The following CCDC7 variants were observed in gnomAD, a reference collection of about 807,000 sequenced individuals.
CCDC7 encodes the protein coiled-coil domain-containing protein 7.
In CCDC7, 183 loss-of-function variants were observed where a neutral mutation model predicts 196.9. That is an observed-to-expected ratio of 0.93 (90% CI 0.82 to 1.05). CCDC7 has a LOEUF of 1.05. CCDC7 is among the 50% of genes least tolerant of loss of function. The pLI, the probability that CCDC7 is intolerant of heterozygous loss-of-function variation, is 0.00. For synonymous variants in CCDC7, 525 were observed against 484.6 expected (o/e 1.08, Z -1.10); for missense variants, 1,540 against 1,482.2 (o/e 1.04, Z -0.64).
exon 25 of CCDC7, chr10:32,711,726 T>C: frequency 6.5e-7 from 1 of 1,531,956 alleles, no homozygotes; most frequent in South Asian, 1.2e-5. Flanking sequence ...GAGAAGGACG[T>C]AGCAGTAAGT....
chr10:32,528,403 C>T (rs188011837), intron 11 of CCDC7, among the ~76,000 whole-genome samples: 2 of 145,778 alleles, frequency 1.4e-5, no homozygotes, highest in East Asian at 2.1e-4. Context: ...CCCTCACCCC[C>T]CTCTTATCCT....
intron 33 of CCDC7, among the ~76,000 whole-genome samples, chr10:32,839,195 CAGAATAGATA>C (rs1397115103): frequency 1.3e-5 from 2 of 151,746 alleles, no homozygotes; most frequent in African/African-American, 4.8e-5. Flanking sequence ...TACAGAATGG[CAGAATAGATA>C]AGAATAGATA....
chr10:32,587,281 T>A (rs977905118), intron 18 of CCDC7, among the ~76,000 whole-genome samples: 5 of 152,110 alleles, frequency 3.3e-5, no homozygotes, highest in Non-Finnish European at 7.4e-5. Flanking sequence ...TAAAGAAAAA[T>A]TTATTTTTTA....
chr10:32,665,024 T>C (rs560310412), intron 21 of CCDC7, among the ~76,000 whole-genome samples: 93 of 152,200 alleles, frequency 6.1e-4, no homozygotes, highest in Middle Eastern at 6.8e-3. Flanking sequence ...GGAAGTGATA[T>C]TTCATTGTGG....
intron 19 of CCDC7, among the ~76,000 whole-genome samples, 181 bp from the exon 21 acceptor site, chr10:32,634,876 T>C (rs1405814917): frequency 6.6e-6 from 1 of 152,198 alleles, no homozygotes; most frequent in African/African-American, 2.4e-5. Context: ...GTGACTACCA[T>C]GTAACAAGAT....
chr10:32,841,419 AC>A (rs1219608777), intron 33 of CCDC7, among the ~76,000 whole-genome samples: 1 of 151,978 alleles, frequency 6.6e-6, no homozygotes, highest in African/African-American at 2.4e-5. Context: ...AAACAAACAA[AC>A]AAAAAACAAA....
chr10:32,661,508 TCA>T (rs1211348394), intron 20 of CCDC7, among the ~76,000 whole-genome samples: 2 of 152,182 alleles, frequency 1.3e-5, no homozygotes, highest in African/African-American at 4.8e-5. Context: ...CCAGCATATC[TCA>T]GAGTCTCACC....
upstream of CCDC7, among the ~76,000 whole-genome samples, chr10:32,444,653 T>C (rs1015716367): frequency 6.6e-6 from 1 of 152,260 alleles, no homozygotes; most frequent in Admixed American, 6.5e-5. Flanking sequence ...CCCTTTCATT[T>C]ACAACGGTTT....
chr10:32,710,050 G>A (rs913361742), intron 24 of CCDC7, among the ~76,000 whole-genome samples: 2 of 152,138 alleles, frequency 1.3e-5, no homozygotes, highest in Admixed American at 6.5e-5. Flanking sequence ...TGAAAAAGAA[G>A]GGCTTGGGTG....
chr10:32,477,444 G>A (rs1234084645), intron 8 of CCDC7, among the ~76,000 whole-genome samples: 2 of 151,626 alleles, frequency 1.3e-5, no homozygotes, highest in Non-Finnish European at 2.9e-5. Context: ...CTCGTGATCC[G>A]CCTGCCTCAG....
At chr10:32,750,368 CA>C (rs983592580) in intron 28 of CCDC7, among the ~76,000 whole-genome samples, 5 of 151,922 alleles carry the variant, frequency 3.3e-5, no homozygotes, top group African/African-American at 7.3e-5. Flanking sequence ...GGGTGTCCAG[CA>C]AAAACATAAG....
intron 11 of CCDC7, 76 bp downstream of exon 12, chr10:32,518,581 T>G (rs2047410472): frequency 1.7e-6 from 2 of 1,151,652 alleles, no homozygotes; most frequent in East Asian, 5.6e-5. Context: ...ATCAAAGAGC[T>G]ATTTAAATGT....
chr10:32,619,754 G>A (rs554800243), intron 18 of CCDC7, among the ~76,000 whole-genome samples: 93 of 151,952 alleles, frequency 6.1e-4, no homozygotes, highest in African/African-American at 2.2e-3. Context: ...CACCATGCCA[G>A]TCTATTTTTA....
chr10:32,611,172 AATG>A (rs1202513091), intron 18 of CCDC7, among the ~76,000 whole-genome samples: 7 of 152,204 alleles, frequency 4.6e-5, no homozygotes, highest in Non-Finnish European at 1.0e-4. Flanking sequence ...TCTAATGACC[AATG>A]ATGATGAGCT....
At position 32,456,348 on chromosome 10, in the gene CCDC7, A is replaced by G. The variant is rs2133472122; in HGVS notation, c.456+14A>G. On this transcript the variant is annotated intron_variant, in intron 3 of 41. Transcript: ENST00000639629. ...GAAGAACAAAATGTATGTATTCTGT[A>G]TATACTGTCAAGTATAAAATATCAA... 1 of 1,482,566 alleles carries G rather than the reference A, an allele frequency of 6.7e-7. No homozygotes were observed. Among genetic ancestry groups the G allele is most frequent in the South Asian group, 1.5e-5 (1 of 66,310 alleles). 91.8% of individuals were successfully genotyped at this position (1,482,566 alleles called of 1,614,324 possible). A position where few individuals can be genotyped will look rare whatever the true frequency, so the allele number is the denominator to read the frequency against.
At chr10:32,815,587 G>T (rs950683603) in intron 31 of CCDC7, among the ~76,000 whole-genome samples, 1 of 152,150 alleles carries the variant, frequency 6.6e-6, no homozygotes, top group Non-Finnish European at 1.5e-5. Flanking sequence ...AATATTTGAA[G>T]AAAATTGGCT....
Position 32,681,070 on chromosome 10 carries a change from G to A in CCDC7, c.2123-4900G>A, listed in dbSNP as rs978580429. 4.6e-5 allele frequency among the ~76,000 whole-genome samples: 7 copies of A among 152,120 alleles called. No homozygotes were observed. The East Asian group carries it at 5.8e-4, about 13-fold the overall frequency. ...CATCAGTCTCCACCTTTGAGATTCC[G>A]TTTTCATTAACAAAAGATCTCTTCA... is the stretch of plus-strand genomic sequence containing the variant. On this transcript the variant is annotated intron_variant, in intron 21 of 41. Coordinates refer to ENST00000639629, the Ensembl canonical transcript of CCDC7.
At chr10:32,576,795 C>T (rs562908985) in intron 16 of CCDC7, among the ~76,000 whole-genome samples, 20 of 152,132 alleles carry the variant, frequency 1.3e-4, no homozygotes, top group Admixed American at 6.5e-5. Flanking sequence ...AGGGACTTTT[C>T]GCACCTCAGC....
At position 32,752,414 on chromosome 10, in the gene CCDC7, G is replaced by A. The variant is rs182940073; in HGVS notation, c.2905+22957G>A. ...CCAAGTCTTCAACTGATTACCTGGC[G>A]AATTCCATTAGCTCCTGCCTACAAA... On this transcript the variant is annotated intron_variant, in intron 28 of 41. Coordinates refer to ENST00000639629, the Ensembl canonical transcript of CCDC7. Among the ~76,000 whole-genome samples the A allele has an allele frequency of 1.7e-3, 262 of 152,110 alleles. 2 individuals are homozygous for A. Among genetic ancestry groups the A allele is most frequent in the African/African-American group, 5.9e-3 (246 of 41,502 alleles).
Sources: gnomAD v4.1 joint callset for allele counts (sites outside exome capture counted in the v4.1 genomes callset) on GRCh38, gnomAD v4.1.1 for gene constraint, MANE v1.5 for transcripts, NCBI Gene and HGNC (gene_info 2026-07-23, HGNC 2026-07-21) for gene names.